Variants in FAM13A observed in about 807,000 individuals in gnomAD.
FAM13A encodes the protein protein FAM13A.
Under a neutral mutation model 129.6 loss-of-function variants are expected in FAM13A, and 76 were observed. The ratio of observed to expected loss-of-function variants is 0.59; its 90% confidence interval spans 0.49 to 0.71. The LOEUF (loss-of-function observed/expected upper bound fraction) is 0.71, where lower values mean the gene tolerates loss of function less well. Ranked by LOEUF, FAM13A falls within the 30% of genes least tolerant of loss-of-function variation. FAM13A has a pLI of 0.00. For synonymous variants in FAM13A, 443 were observed against 449.9 expected, an observed-to-expected ratio of 0.98 and a Z score of 0.20; for missense variants, 1,108 against 1,249.3, an observed-to-expected ratio of 0.89 and a Z score of 1.70.
Position 89,042,816 on chromosome 4 carries a change from C to T in FAM13A, c.28-13167G>A, listed in dbSNP as rs559280204. Among the ~76,000 whole-genome samples the T allele has an allele frequency of 3.9e-5, 6 of 152,126 alleles. No homozygotes were observed. In the East Asian group the frequency reaches 5.8e-4, roughly 15 times the overall value. ...AAAAATTATTTAAAATTGCTTAAAT[C>T]GCCTTATAGCTCACAAATTAAGTTC... On this transcript the variant is annotated intron_variant, in intron 1 of 23. Coordinates refer to ENST00000264344, the MANE Select transcript of FAM13A (RefSeq NM_014883.4).
intron 3 of FAM13A, among the ~76,000 whole-genome samples, chr4:88,992,725 T>A (rs980529024): frequency 2.0e-5 from 3 of 152,184 alleles, no homozygotes; most frequent in Non-Finnish European, 4.4e-5. Context: ...TTAAATATAG[T>A]AAAATTGCTA....
chr4:88,814,234 GA>G (rs768979698), intron 7 of FAM13A, among the ~76,000 whole-genome samples: 14 of 152,210 alleles, frequency 9.2e-5, no homozygotes, highest in Non-Finnish European at 1.9e-4. Flanking sequence ...ATCCAAGTCT[GA>G]AGTCAGAGCT....
intron 3 of FAM13A, among the ~76,000 whole-genome samples, chr4:89,008,149 T>C (rs1765299043): frequency 6.6e-6 from 1 of 152,164 alleles, no homozygotes; most frequent in African/African-American, 2.4e-5. Flanking sequence ...TTTTTTACTG[T>C]TTTTCACTCA....
chr4:88,745,512 C>G (rs1409654463), intron 19 of FAM13A, among the ~76,000 whole-genome samples: 2 of 152,120 alleles, frequency 1.3e-5, no homozygotes, highest in South Asian at 2.1e-4. Flanking sequence ...TGTCATAACC[C>G]AAATCCACAG....
intron 3 of FAM13A, 135 bp from the exon 4 acceptor site, chr4:88,991,285 G>C: frequency 1.7e-6 from 1 of 596,504 alleles, no homozygotes; most frequent in East Asian, 2.8e-5. Context: ...TTGTGTATTT[G>C]ACTTTATGTT....
At chr4:88,778,596 A>T (rs186852510) in intron 11 of FAM13A, among the ~76,000 whole-genome samples, 16 of 152,232 alleles carry the variant, frequency 1.1e-4, no homozygotes, top group African/African-American at 3.9e-4. Flanking sequence ...TCATCATCTC[A>T]AACCCAGATG....
At chr4:88,970,928 G>T (rs1283029357) in intron 4 of FAM13A, among the ~76,000 whole-genome samples, 3 of 152,230 alleles carry the variant, frequency 2.0e-5, no homozygotes, top group Non-Finnish European at 4.4e-5. Flanking sequence ...ACAGAAGTTG[G>T]CCGGGTGCAG....
chr4:88,781,565 G>C (rs571841584), intron 10 of FAM13A, among the ~76,000 whole-genome samples: 10 of 152,126 alleles, frequency 6.6e-5, no homozygotes, highest in Non-Finnish European at 5.9e-5. Flanking sequence ...GAGGCAAATT[G>C]GCAAGGGCTG....
At chr4:88,917,081 A>G (rs941878313) in intron 5 of FAM13A, among the ~76,000 whole-genome samples, 30 of 152,216 alleles carry the variant, frequency 2.0e-4, no homozygotes, top group African/African-American at 7.2e-4. Flanking sequence ...ATGGATGCCA[A>G]ATTAATTTTT....
chr4:89,050,128 A>G (rs1237446218), intron 1 of FAM13A, among the ~76,000 whole-genome samples: 2 of 152,216 alleles, frequency 1.3e-5, no homozygotes, highest in Non-Finnish European at 2.9e-5. Flanking sequence ...CTAGGATCAG[A>G]GTGTAGTCAG....
At chr4:88,917,083 T>G (rs1291495325) in intron 5 of FAM13A, among the ~76,000 whole-genome samples, 7 of 152,222 alleles carry the variant, frequency 4.6e-5, no homozygotes, top group Admixed American at 4.6e-4. Flanking sequence ...GGATGCCAAA[T>G]TAATTTTTTC....
intron 5 of FAM13A, among the ~76,000 whole-genome samples, chr4:88,917,967 C>T (rs948378149): frequency 6.6e-6 from 1 of 152,216 alleles, no homozygotes; most frequent in Non-Finnish European, 1.5e-5. Context: ...CTAAAGCCGA[C>T]TCTCCCAGTG....
chr4:88,806,011 T>C (rs1728484049), intron 7 of FAM13A, among the ~76,000 whole-genome samples: 1 of 152,132 alleles, frequency 6.6e-6, no homozygotes, highest in African/African-American at 2.4e-5. Flanking sequence ...CTATATTTTC[T>C]TTTCCTTTCT....
chr4:88,878,252 C>A lies in FAM13A; in HGVS notation c.844-27069G>T, dbSNP rs544818589. ...GCAGTGAGCCGAGATTGCGCCACTG[C>A]ACTCCAGCCTGGGCGACAGAGTGAG... On this transcript the variant is annotated intron_variant, in intron 6 of 23. Transcript: ENST00000264344. Among the ~76,000 whole-genome samples the A allele has an allele frequency of 8.8e-3, 1,160 of 132,088 alleles. 11 individuals are homozygous for A. Among genetic ancestry groups the A allele is most frequent in the Non-Finnish European group, 0.014 (898 of 65,116 alleles). 86.7% of individuals were successfully genotyped at this position (132,088 alleles called of 152,430 possible). A position where few individuals can be genotyped will look rare whatever the true frequency, so the allele number is the denominator to read the frequency against.
chr4:88,746,972 T>G lies in FAM13A; in HGVS notation c.2426A>C (p.Gln809Pro). Residue 809 changes from glutamine (Q) to proline (P), a missense_variant, in exon 19 of 24, where the codon CAG becomes CCG. Around this residue, in one of 3 missense-constraint regions of FAM13A, gnomAD observed 529 missense variants for 621.2 expected, o/e 0.85. Coordinates refer to ENST00000264344, the MANE Select transcript of FAM13A (RefSeq NM_014883.4). ...GCTTTCATAATATAACAGAGCTTTC[T>G]GCAGAGCCACTTTCTCATTAGCAAT... ...DQIANEKVAL[Q>P]KALLYYESIH... The G allele has an allele frequency of 6.2e-7, 1 of 1,613,874 alleles. No individual in the cohort carries two copies. The highest frequency in any genetic ancestry group is 8.5e-7 in the Non-Finnish European group (1 of 1,179,736).
intron 9 of FAM13A, among the ~76,000 whole-genome samples, chr4:88,788,177 T>C (rs1045270413): frequency 9.9e-5 from 15 of 152,180 alleles, no homozygotes; most frequent in African/African-American, 2.7e-4. Context: ...CCAGTATTGC[T>C]GAAATGCTCA....
At chr4:88,923,167 A>T (rs1005190192) in intron 5 of FAM13A, among the ~76,000 whole-genome samples, 9 of 152,172 alleles carry the variant, frequency 5.9e-5, no homozygotes, top group African/African-American at 1.9e-4. Flanking sequence ...TCCAATCAAT[A>T]GAAAAAGAGG....
intron 6 of FAM13A, among the ~76,000 whole-genome samples, chr4:88,896,812 T>A (rs1746423967): frequency 1.3e-5 from 2 of 152,384 alleles, no homozygotes; most frequent in East Asian, 3.9e-4. Context: ...CGTGTGCTTA[T>A]AATTTTAATT....
At chr4:88,781,464 A>C in intron 10 of FAM13A, 113 bp from the exon 11 acceptor site, 1 of 716,326 alleles carries the variant, frequency 1.4e-6, no homozygotes, top group Non-Finnish European at 2.2e-6. Context: ...CAGAAATTCC[A>C]GTATGCATCT....
Sources: gnomAD v4.1 joint callset for allele counts (sites outside exome capture counted in the v4.1 genomes callset) on GRCh38, gnomAD v4.1.1 for gene constraint, gnomAD v4.1.1 regional missense constraint, MANE v1.5 for transcripts, NCBI Gene and HGNC (gene_info 2026-07-23, HGNC 2026-07-21) for gene names.